The following SIPA1L2 variants were observed in gnomAD, a reference collection of about 807,000 sequenced individuals.
The protein encoded by SIPA1L2 is signal induced proliferation associated 1 like 2, also known as signal-induced proliferation-associated 1-like protein 2.
A neutral mutation model predicts 163.9 loss-of-function variants in SIPA1L2; 56 were observed. That is an observed-to-expected ratio of 0.34 (90% confidence interval 0.28 to 0.43). The LOEUF (loss-of-function observed/expected upper bound fraction) is 0.43, where lower values mean the gene tolerates loss of function less well. Among genes scored for constraint, SIPA1L2 ranks in the 20% least tolerant of loss-of-function variants. The pLI, the probability that SIPA1L2 is intolerant of heterozygous loss-of-function variation, is 1.00. For synonymous variants in SIPA1L2, 877 were observed against 865.7 expected (o/e 1.01, Z -0.23); for missense variants, 1,974 against 2,193.5 (o/e 0.90, Z 2.00).
intron 1 of SIPA1L2, among the ~76,000 whole-genome samples, chr1:232,624,202 A>T (rs1456520624): frequency 6.6e-6 from 1 of 152,156 alleles, no homozygotes; most frequent in African/African-American, 2.4e-5. Flanking sequence ...AAAGTTTGAG[A>T]ACCTTGAGAA....
chr1:232,457,502 T>TA (rs1268487342), intron 10 of SIPA1L2, among the ~76,000 whole-genome samples: 7 of 152,260 alleles, frequency 4.6e-5, no homozygotes, highest in African/African-American at 9.6e-5. Context: ...CACATGCATA[T>TA]ACATGTCCAT....
chr1:232,573,523 G>C (rs1659917029), intron 2 of SIPA1L2, among the ~76,000 whole-genome samples: 1 of 152,170 alleles, frequency 6.6e-6, no homozygotes, highest in African/African-American at 2.4e-5. Flanking sequence ...TCCAAAGCTG[G>C]AGGACAAATG....
rs865906330 is a variant in SIPA1L2 at position 232,564,268 on chromosome 1, G to A, written c.-270+9906C>T. Among the ~76,000 whole-genome samples the A allele has an allele frequency of 8.8e-4, 88 of 100,120 alleles. 1 individual carries two copies. The highest frequency in any genetic ancestry group is 1.5e-3 in the Admixed American group (14 of 9,508). The allele number at this position is 100,120 out of a possible 152,430, so 65.7% of individuals were successfully genotyped here. A position where few individuals can be genotyped will look rare whatever the true frequency, so the allele number is the denominator to read the frequency against. On this transcript the variant is annotated intron_variant, in intron 2 of 22. Transcript: ENST00000674635. ...TGTGTGTGTGTGTGTGTGTGTGTGT[G>A]TGTGTGTGTGTGTATGATGGAGTTT...
chr1:232,400,826 C>T (rs1660293590), intron 22 of SIPA1L2, among the ~76,000 whole-genome samples: 1 of 152,134 alleles, frequency 6.6e-6, no homozygotes. Context: ...ACTCCCATGA[C>T]CACATCCTAT....
chr1:232,465,497 CACACACACACACATATACAT>C lies in SIPA1L2; in HGVS notation c.2244-101_2244-82del, dbSNP rs1664460673. The C allele has an allele frequency of 2.2e-5, 19 of 863,086 alleles. No individual in the cohort carries two copies. The highest frequency in any genetic ancestry group is 3.6e-5 in the African/African-American group (2 of 56,304). The allele number at this position is 863,086 out of a possible 1,614,324, so 53.5% of individuals were successfully genotyped here. On this transcript the variant is annotated intron_variant, in intron 8 of 22. Coordinates refer to ENST00000674635, the MANE Select transcript of SIPA1L2 (RefSeq NM_020808.5). The surrounding 1 kb of genome is among the most constrained non-coding windows in gnomAD (Gnocchi z 4.1). ...TCTTTCCGAATTTGACATATATATA[CACACACACACACATATACAT>C]ACACACACACACACACATATACATA...
At chr1:232,608,057 A>AC in intron 1 of SIPA1L2, among the ~76,000 whole-genome samples, 1 of 150,252 alleles carries the variant, frequency 6.7e-6, no homozygotes, top group Middle Eastern at 3.2e-3. Flanking sequence ...CAAAAAAAAA[A>AC]AAAAAAAAAA....
intron 15 of SIPA1L2, among the ~76,000 whole-genome samples, chr1:232,434,635 G>C (rs2102841224): frequency 6.6e-6 from 1 of 152,268 alleles, no homozygotes; most frequent in East Asian, 1.9e-4. Context: ...CCCATTCACT[G>C]GGGTGCACGC....
intron 14 of SIPA1L2, among the ~76,000 whole-genome samples, chr1:232,439,879 ATTATAGTGCCAGCCT>A (rs997080912): frequency 2.0e-5 from 3 of 152,200 alleles, no homozygotes; most frequent in South Asian, 4.1e-4. Context: ...TTCATGACAA[ATTATAGTGCCAGCCT>A]TGAGTTCAGG....
chr1:232,551,656 C>T (rs982210249), intron 2 of SIPA1L2, among the ~76,000 whole-genome samples: 3 of 152,142 alleles, frequency 2.0e-5, no homozygotes, highest in Non-Finnish European at 2.9e-5. Context: ...TCCAGGCTGC[C>T]CACAGCCCCA....
In SIPA1L2 at chr1:232,465,513, TAC is replaced by T; in HGVS notation, c.2244-99_2244-98del. The T allele has an allele frequency of 1.2e-5, 10 of 842,332 alleles. No homozygotes were observed. The highest frequency in any genetic ancestry group is 1.7e-5 in the Non-Finnish European group (9 of 543,140). The allele number at this position is 842,332 out of a possible 1,614,324, so 52.2% of individuals were successfully genotyped here. A position where few individuals can be genotyped will look rare whatever the true frequency, so the allele number is the denominator to read the frequency against. ...ATATATATACACACACACACACATA[TAC>T]ATACACACACACACACACATATACA... On this transcript the variant is annotated intron_variant, in intron 8 of 22. Transcript: ENST00000674635. This position sits in a 1 kb window ranked among gnomAD's most constrained non-coding sequence, Gnocchi z 4.1.
intron 11 of SIPA1L2, among the ~76,000 whole-genome samples, chr1:232,444,390 G>A (rs1663081963): frequency 6.6e-6 from 1 of 151,980 alleles, no homozygotes; most frequent in Admixed American, 6.6e-5. Flanking sequence ...TCTACATGTT[G>A]CCCCTTTTAC....
chr1:232,537,217 A>G (rs1362652209), intron 2 of SIPA1L2, among the ~76,000 whole-genome samples: 4 of 152,172 alleles, frequency 2.6e-5, no homozygotes, highest in African/African-American at 9.7e-5. Flanking sequence ...AGCCTGGGTG[A>G]CAACGTGAGA....
At chr1:232,478,393 T>C (rs1035073051) in intron 7 of SIPA1L2, among the ~76,000 whole-genome samples, 3 of 152,178 alleles carry the variant, frequency 2.0e-5, no homozygotes, top group Non-Finnish European at 4.4e-5. Context: ...TGCTTTCTCA[T>C]CCTAGCTGGA....
Position 232,507,873 on chromosome 1 carries a change from A to G in SIPA1L2, c.1483+5984T>C, listed in dbSNP as rs538164698. The stretch of plus-strand genomic sequence containing the variant: ...AGGGTGATCATCAAAAGCAAGTTCC[A>G]CAGTAATAGCAGGAGTAAGCTCCAT... On this transcript the variant is annotated intron_variant, in intron 3 of 22. Transcript: ENST00000674635. Among the ~76,000 whole-genome samples, 24 of 152,348 alleles carry G rather than the reference A, an allele frequency of 1.6e-4. No individual in the cohort carries two copies. In the East Asian group the frequency reaches 2.9e-3, roughly 18 times the overall value.
At chr1:232,448,616 A>G (rs190324645) in intron 10 of SIPA1L2, among the ~76,000 whole-genome samples, 195 of 152,340 alleles carry the variant, frequency 1.3e-3, no homozygotes, top group Non-Finnish European at 2.2e-4. Context: ...TGAATGGAAG[A>G]AAGGTTATGG....
At position 232,438,245 on chromosome 1, in the gene SIPA1L2, A is replaced by G. The variant is rs572336558; in HGVS notation, c.4031+863T>C. ...ATAGCACTAGGTACCTGCAAGAAAT[A>G]TTCCCATTCTTAGTTCATCTGACTC... On this transcript the variant is annotated intron_variant, in intron 15 of 22. Transcript: ENST00000674635. Among the ~76,000 whole-genome samples, 37 of 152,250 alleles carry G rather than the reference A, an allele frequency of 2.4e-4. 1 individual carries two copies. The South Asian group carries it at 2.9e-3, about 12-fold the overall frequency.
chr1:232,495,196 C>A (rs1218827310), intron 3 of SIPA1L2, among the ~76,000 whole-genome samples: 1 of 152,120 alleles, frequency 6.6e-6, no homozygotes, highest in African/African-American at 2.4e-5. Context: ...CTGTTTGCAA[C>A]CAAATGGGAT....
chr1:232,611,647 G>A (rs1442723568), intron 1 of SIPA1L2, among the ~76,000 whole-genome samples: 1 of 152,186 alleles, frequency 6.6e-6, no homozygotes, highest in Non-Finnish European at 1.5e-5. Context: ...AGAATTTAGG[G>A]TATCCGGCAG....
At chr1:232,406,749 G>A (rs1412125287) in intron 19 of SIPA1L2, among the ~76,000 whole-genome samples, 10 of 151,996 alleles carry the variant, frequency 6.6e-5, no homozygotes, top group Admixed American at 3.3e-4. Context: ...TCTGATCAAC[G>A]CGTCATGTCT....
Sources: gnomAD v4.1 joint callset for allele counts (sites outside exome capture counted in the v4.1 genomes callset) on GRCh38, gnomAD v4.1.1 for gene constraint, Gnocchi (gnomAD v3.1) non-coding constraint, MANE v1.5 for transcripts, NCBI Gene and HGNC (gene_info 2026-07-23, HGNC 2026-07-21) for gene names.